The following CEP112 variants were observed in gnomAD, a reference collection of about 807,000 sequenced individuals.
CEP112 encodes the protein centrosomal protein of 112 kDa.
CEP112 carries 127 observed loss-of-function variants against 153.0 expected under a neutral mutation model. The observed-to-expected ratio is 0.83, with a 90% confidence interval of 0.72 to 0.96. The LOEUF (loss-of-function observed/expected upper bound fraction) is 0.96. Among genes scored for constraint, CEP112 ranks in the 40% least tolerant of loss-of-function variants. The probability of loss-of-function intolerance (pLI) is 0.00; values close to 1 mark genes in which losing one functional copy is unlikely to be tolerated. For synonymous variants in CEP112, 358 were observed against 374.4 expected, an observed-to-expected ratio of 0.96 and a Z score of 0.51; for missense variants, 1,089 against 1,101.2, an observed-to-expected ratio of 0.99 and a Z score of 0.16.
chr17:65,776,589 G>C (rs930896923), intron 21 of CEP112, among the ~76,000 whole-genome samples: 1 of 152,202 alleles, frequency 6.6e-6, no homozygotes. Flanking sequence ...ACTGACAGGA[G>C]ATAGCATGAC....
intron 24 of CEP112, among the ~76,000 whole-genome samples, chr17:65,660,238 CTTTT>C (rs1335124190): frequency 9.9e-6 from 1 of 101,512 alleles, no homozygotes; most frequent in African/African-American, 4.6e-5. Flanking sequence ...CTTCCTTCCT[CTTTT>C]TTGTTTTCTT....
chr17:65,982,562 T>C (rs1482120747), intron 17 of CEP112, among the ~76,000 whole-genome samples: 1 of 152,236 alleles, frequency 6.6e-6, no homozygotes, highest in African/African-American at 2.4e-5. Flanking sequence ...TAATTTTCAA[T>C]GGCTTTTCTC....
At position 66,027,580 on chromosome 17, in the gene CEP112, ATATT is replaced by A; in HGVS notation, c.1597-24_1597-21del. The A allele has an allele frequency of 1.6e-6, 2 of 1,236,024 alleles. No homozygotes were observed. The highest frequency in any genetic ancestry group is 2.2e-6 in the Non-Finnish European group (2 of 923,000). The allele number at this position is 1,236,024 out of a possible 1,614,324, so 76.6% of individuals were successfully genotyped here. A position where few individuals can be genotyped will look rare whatever the true frequency, so the allele number is the denominator to read the frequency against. On this transcript the variant is annotated intron_variant, in intron 15 of 26. Transcript: ENST00000535342. ...TTGATCCTGTGAATGATAAATGTTTATATTTATTATACTTTAAATTATACTAGAG... is the reference window on the plus strand; with the variant it reads ...TTGATCCTGTGAATGATAAATGTTTATATTATACTTTAAATTATACTAGAG...
chr17:66,155,436 C>A (rs954668808), intron 4 of CEP112, among the ~76,000 whole-genome samples: 1 of 152,036 alleles, frequency 6.6e-6, no homozygotes, highest in Non-Finnish European at 1.5e-5. Flanking sequence ...CCACCAGGGC[C>A]CTGGGTTTCA....
At chr17:66,080,811 A>G (rs1380231187) in intron 8 of CEP112, among the ~76,000 whole-genome samples, 1 of 152,238 alleles carries the variant, frequency 6.6e-6, no homozygotes, top group Non-Finnish European at 1.5e-5. Flanking sequence ...GCACATATAC[A>G]CCATGGAATA....
At chr17:66,113,966 A>G (rs547154066) in intron 6 of CEP112, among the ~76,000 whole-genome samples, 1 of 152,338 alleles carries the variant, frequency 6.6e-6, no homozygotes, top group South Asian at 2.1e-4. Context: ...CAGTCTTAAC[A>G]TTTTTTATGC....
At chr17:65,809,277 G>A (rs777727189) in intron 21 of CEP112, among the ~76,000 whole-genome samples, 17 of 152,220 alleles carry the variant, frequency 1.1e-4, no homozygotes, top group Admixed American at 6.5e-4. Context: ...TAGGGGATAA[G>A]CTGAAGAGAT....
chr17:66,066,266 CTTAA>C (rs1194480752), intron 10 of CEP112, among the ~76,000 whole-genome samples: 3 of 152,130 alleles, frequency 2.0e-5, no homozygotes, highest in Non-Finnish European at 4.4e-5. Context: ...TCTTTTCCTT[CTTAA>C]TTAAAGTGCA....
intron 21 of CEP112, among the ~76,000 whole-genome samples, chr17:65,780,554 C>T (rs1438476434): frequency 6.6e-6 from 1 of 151,932 alleles, no homozygotes; most frequent in African/African-American, 2.4e-5. Context: ...AAATCTCTAC[C>T]TTCTGTAATA....
At chr17:65,994,596 T>G (rs1436239647) in intron 17 of CEP112, among the ~76,000 whole-genome samples, 1 of 152,212 alleles carries the variant, frequency 6.6e-6, no homozygotes, top group Non-Finnish European at 1.5e-5. Flanking sequence ...TCCAAAGTGC[T>G]GGGATTTCAG....
chr17:65,687,673 T>C (rs1163755228), intron 24 of CEP112, among the ~76,000 whole-genome samples: 2 of 152,190 alleles, frequency 1.3e-5, no homozygotes, highest in African/African-American at 4.8e-5. Context: ...GTCAATTCAG[T>C]AAGTATTAAC....
intron 17 of CEP112, among the ~76,000 whole-genome samples, chr17:65,970,799 A>G (rs1240354903): frequency 2.3e-5 from 1 of 44,180 alleles, no homozygotes; most frequent in Non-Finnish European, 4.8e-5. Flanking sequence ...TGTATATTGC[A>G]CATGTGTATG....
intron 21 of CEP112, among the ~76,000 whole-genome samples, chr17:65,803,914 T>C (rs937086233): frequency 6.6e-6 from 1 of 152,240 alleles, no homozygotes; most frequent in African/African-American, 2.4e-5. Context: ...AAATAGTTTA[T>C]AATGATGGAC....
At chr17:65,915,926 T>G (rs2060464331) in intron 19 of CEP112, among the ~76,000 whole-genome samples, 1 of 152,096 alleles carries the variant, frequency 6.6e-6, no homozygotes. Context: ...TGTACTGTAC[T>G]TTGGCTCCTA....
At chr17:65,744,000 T>C (rs1362821831) in intron 22 of CEP112, among the ~76,000 whole-genome samples, 1 of 152,074 alleles carries the variant, frequency 6.6e-6, no homozygotes, top group Non-Finnish European at 1.5e-5. Context: ...TGACCTCAGG[T>C]GATCCACCCA....
chr17:65,808,463 G>A (rs1450521192), intron 21 of CEP112, among the ~76,000 whole-genome samples: 1 of 152,072 alleles, frequency 6.6e-6, no homozygotes, highest in Non-Finnish European at 1.5e-5. Flanking sequence ...GAGGGGTCAG[G>A]GATAGAATGA....
intron 24 of CEP112, among the ~76,000 whole-genome samples, chr17:65,650,734 A>AAT (rs1555602780): frequency 0.42 from 48,345 of 115,028 alleles, 9,199 homozygotes; most frequent in Admixed American, 0.5. Context: ...CTCTACTAAA[A>AAT]AAAAAAAAAA....
chr17:66,136,991 G>GC (rs2070462978), intron 4 of CEP112, among the ~76,000 whole-genome samples: 1 of 152,042 alleles, frequency 6.6e-6, no homozygotes, highest in Admixed American at 6.5e-5. Flanking sequence ...ATGAAAAATG[G>GC]CCCAAAGAAA....
Position 66,094,857 on chromosome 17 carries a change from T to G in CEP112, c.768+1394A>C, listed in dbSNP as rs1465121778. ...GGCAAAGGATCTGAATAGACATTCC[T>G]CAAAAGAAGACACGCAAATAGCCAC... On this transcript the variant is annotated intron_variant, in intron 8 of 26. Transcript: ENST00000535342. 4.6e-5 allele frequency among the ~76,000 whole-genome samples: 7 copies of G among 152,132 alleles called. No homozygotes were observed. The East Asian group carries it at 1.2e-3, about 25-fold the overall frequency.
Sources: gnomAD v4.1 joint callset for allele counts (sites outside exome capture counted in the v4.1 genomes callset) on GRCh38, gnomAD v4.1.1 for gene constraint, MANE v1.5 for transcripts, NCBI Gene and HGNC (gene_info 2026-07-23, HGNC 2026-07-21) for gene names.